GRIN2A: variants seen among roughly 807,000 people sequenced by gnomAD.
GRIN2A encodes glutamate receptor ionotropic, NMDA 2A.
Under a neutral mutation model 113.4 loss-of-function variants are expected in GRIN2A, and 22 were observed. That is an observed-to-expected ratio of 0.19 (90% CI 0.14 to 0.28). The LOEUF is 0.28. GRIN2A is among the 10% of genes least tolerant of loss of function. GRIN2A has a pLI of 1.00. For synonymous variants in GRIN2A, 827 were observed against 738.4 expected (o/e 1.12, Z -1.94); for missense variants, 1,502 against 1,887.0 (o/e 0.80, Z 3.78).
chr16:9,934,872 C>T (rs2044677255), intron 3 of GRIN2A, among the ~76,000 whole-genome samples: 1 of 151,770 alleles, frequency 6.6e-6, no homozygotes, highest in African/African-American at 2.4e-5. Flanking sequence ...TCCAAACTTA[C>T]ACACTGGGTG....
At chr16:9,807,060 C>G (rs1044197003) in intron 10 of GRIN2A, among the ~76,000 whole-genome samples, 2 of 151,104 alleles carry the variant, frequency 1.3e-5, no homozygotes. Flanking sequence ...GTAAGACATG[C>G]CTTTCACCTT....
chr16:10,039,275 G>A (rs2048376039), intron 2 of GRIN2A, among the ~76,000 whole-genome samples: 1 of 152,162 alleles, frequency 6.6e-6, no homozygotes, highest in Admixed American at 6.5e-5. Context: ...TTTCTCAGAT[G>A]CTCTCTTGCT....
rs2050242121 is a variant in GRIN2A, at chr16:10,180,353, C to A, written c.59G>T (p.Gly20Val). Residue 20 changes from glycine to valine, a missense_variant, in exon 2 of 13, where the codon GGT becomes GTT. Around this residue, in one of 7 missense-constraint regions of GRIN2A, gnomAD observed 149 missense variants for 179.1 expected, o/e 0.83. Transcript: ENST00000330684. The surrounding 1 kb of genome is among the most constrained non-coding windows in gnomAD (Gnocchi z 7.0). ...CTCCGCCGCCGCGCTCGGCGCCGGA[C>A]CGCGCCAGACCAGAAGGGCCGGCAG... ...LVLPALLVWRGPAPSAAAEKG... is the reference protein window; with the variant it reads ...LVLPALLVWRVPAPSAAAEKG... The A allele has an allele frequency of 6.2e-7, 1 of 1,608,328 alleles. No homozygotes were observed. Among genetic ancestry groups the A allele is most frequent in the Non-Finnish European group, 8.5e-7 (1 of 1,179,874 alleles).
chr16:9,819,877 C>A (rs1285313428), intron 10 of GRIN2A, among the ~76,000 whole-genome samples: 2 of 132,754 alleles, frequency 1.5e-5, no homozygotes, highest in Non-Finnish European at 3.1e-5. Context: ...GGAGAGACTG[C>A]ACCATTGCAC....
intron 2 of GRIN2A, among the ~76,000 whole-genome samples, chr16:10,170,975 G>A (rs1039315245): frequency 6.6e-6 from 1 of 152,026 alleles, no homozygotes; most frequent in South Asian, 2.1e-4. Flanking sequence ...GGTATGGGGG[G>A]AACCTCCAGT....
chr16:9,987,602 C>G (rs1023507472), intron 2 of GRIN2A, among the ~76,000 whole-genome samples: 1 of 152,164 alleles, frequency 6.6e-6, no homozygotes, highest in South Asian at 2.1e-4. Flanking sequence ...GAAATTAAAC[C>G]AATGACCCCA....
Position 10,054,618 on chromosome 16 carries a change from A to C in GRIN2A, c.415-116067T>G, listed in dbSNP as rs112705316. On this transcript the variant is annotated intron_variant, in intron 2 of 12. Transcript: ENST00000330684. Reference sequence around the variant, plus strand: ...TCGTTGATTTAATGACAAAGTGCCCATCATTCAGTTCATGGATAAGTAAAA... The same window carrying C: ...TCGTTGATTTAATGACAAAGTGCCCCTCATTCAGTTCATGGATAAGTAAAA... Among the ~76,000 whole-genome samples the C allele has an allele frequency of 2.0e-3, 305 of 152,340 alleles. 2 individuals carry two copies. Among genetic ancestry groups the C allele is most frequent in the African/African-American group, 7.1e-3 (295 of 41,584 alleles).
At chr16:9,897,188 A>C (rs2043823142) in intron 3 of GRIN2A, among the ~76,000 whole-genome samples, 1 of 144,858 alleles carries the variant, frequency 6.9e-6, no homozygotes, top group Non-Finnish European at 1.5e-5. Context: ...TCACAACACT[A>C]AATACATATA....
At chr16:9,954,658 T>C (rs2045263538) in intron 2 of GRIN2A, among the ~76,000 whole-genome samples, 1 of 152,138 alleles carries the variant, frequency 6.6e-6, no homozygotes. Flanking sequence ...TTCAATCCCT[T>C]GCCGAGCAAA....
At chr16:10,141,216 C>A (rs979509232) in intron 2 of GRIN2A, among the ~76,000 whole-genome samples, 4 of 152,012 alleles carry the variant, frequency 2.6e-5, no homozygotes, top group Non-Finnish European at 4.4e-5. Flanking sequence ...ATAGGCCAGG[C>A]ACAGTGGCTC....
intron 4 of GRIN2A, among the ~76,000 whole-genome samples, chr16:9,871,323 T>C (rs2043256402): frequency 6.6e-6 from 1 of 151,956 alleles, no homozygotes; most frequent in Non-Finnish European, 1.5e-5. Context: ...TTCATACATA[T>C]GCAGGACTTA....
At chr16:10,000,844 T>C (rs1567227137) in intron 2 of GRIN2A, among the ~76,000 whole-genome samples, 1 of 152,190 alleles carries the variant, frequency 6.6e-6, no homozygotes, top group Admixed American at 6.5e-5. Flanking sequence ...TTCTTCAGTT[T>C]TGTACTCCCA....
intron 2 of GRIN2A, among the ~76,000 whole-genome samples, chr16:10,093,793 T>C (rs909113879): frequency 3.9e-5 from 6 of 152,186 alleles, no homozygotes; most frequent in South Asian, 2.1e-4. Context: ...TGACTTAGTT[T>C]GGCCAATTAC....
intron 11 of GRIN2A, among the ~76,000 whole-genome samples, chr16:9,793,658 T>A (rs2141216039): frequency 6.6e-6 from 1 of 152,314 alleles, no homozygotes; most frequent in South Asian, 2.1e-4. Flanking sequence ...GTGTTTTCTT[T>A]ATGAATCATT....
At chr16:9,859,306 A>G (rs1248428906) in intron 4 of GRIN2A, among the ~76,000 whole-genome samples, 1 of 152,150 alleles carries the variant, frequency 6.6e-6, no homozygotes. Context: ...CCTCTTGTGT[A>G]TAGGAAGTTT....
chr16:9,918,950 A>G (rs1364150444), intron 3 of GRIN2A, among the ~76,000 whole-genome samples: 2 of 152,092 alleles, frequency 1.3e-5, no homozygotes, highest in Admixed American at 6.5e-5. Context: ...AAACGGGCAG[A>G]TTACTTGTGG....
intron 2 of GRIN2A, among the ~76,000 whole-genome samples, chr16:9,947,036 G>GA (rs983462662): frequency 6.6e-6 from 1 of 152,082 alleles, no homozygotes; most frequent in Non-Finnish European, 1.5e-5. Flanking sequence ...CTTTGGCTAG[G>GA]AAAAAAATAA....
chr16:9,877,543 A>G (rs1054270871), intron 4 of GRIN2A, among the ~76,000 whole-genome samples: 1 of 151,880 alleles, frequency 6.6e-6, no homozygotes, highest in Non-Finnish European at 1.5e-5. Flanking sequence ...TATAATTAGA[A>G]AAGAAAATTT....
At chr16:10,013,113 T>A (rs371002545) in intron 2 of GRIN2A, among the ~76,000 whole-genome samples, 3 of 152,190 alleles carry the variant, frequency 2.0e-5, no homozygotes, top group Non-Finnish European at 4.4e-5. Flanking sequence ...CGTGTTTACC[T>A]ATGTAACAAA....
Sources: gnomAD v4.1 joint callset for allele counts (sites outside exome capture counted in the v4.1 genomes callset) on GRCh38, gnomAD v4.1.1 for gene constraint, gnomAD v4.1.1 regional missense constraint, Gnocchi (gnomAD v3.1) non-coding constraint, MANE v1.5 for transcripts, NCBI Gene and HGNC (gene_info 2026-07-23, HGNC 2026-07-21) for gene names.